The following ARFIP1 variants were observed in gnomAD, a reference collection of about 807,000 sequenced individuals.
ARFIP1 encodes ARF interacting protein 1, also known as arfaptin-1.
A neutral mutation model predicts 42.5 loss-of-function variants in ARFIP1; 24 were observed. That is an observed-to-expected ratio of 0.57 (90% CI 0.41 to 0.80). The LOEUF (loss-of-function observed/expected upper bound fraction) is 0.80. Ranked by LOEUF, ARFIP1 falls within the 30% of genes least tolerant of loss-of-function variation. ARFIP1 has a pLI of 0.00. For synonymous variants in ARFIP1, 141 were observed against 153.7 expected (o/e 0.92, Z 0.61); for missense variants, 354 against 434.0 (o/e 0.82, Z 1.64).
rs558455013 is a variant in ARFIP1 at position 152,785,892 on chromosome 4, G to A, written c.-10+5666G>A. Among the ~76,000 whole-genome samples the A allele has an allele frequency of 2.6e-5, 4 of 152,300 alleles. No individual in the cohort carries two copies. In the East Asian group the frequency reaches 7.7e-4, roughly 29 times the overall value. On this transcript the variant is annotated intron_variant, in intron 1 of 8. Transcript: ENST00000353617. ...TTCAGTGTCAGTATCATATGTGGCT[G>A]GTGGCTACTTTATTGGACAGTGCAA...
intron 3 of ARFIP1, among the ~76,000 whole-genome samples, chr4:152,866,757 G>A (rs1429948735): frequency 2.0e-5 from 3 of 150,480 alleles, no homozygotes; most frequent in Non-Finnish European, 4.5e-5. Context: ...GCTGCCGGGC[G>A]GAGGGTCTCC....
intron 5 of ARFIP1, among the ~76,000 whole-genome samples, chr4:152,879,925 G>C (rs1578995939): frequency 6.6e-6 from 1 of 152,286 alleles, no homozygotes; most frequent in East Asian, 1.9e-4. Context: ...AACATTTAAT[G>C]ATGAGGTATA....
chr4:152,781,958 A>T (rs1181054517), intron 1 of ARFIP1, among the ~76,000 whole-genome samples: 3 of 152,156 alleles, frequency 2.0e-5, no homozygotes, highest in Non-Finnish European at 4.4e-5. Context: ...CATTGTTTTT[A>T]TCAAATTCTC....
chr4:152,834,888 A>G (rs1465005514), intron 2 of ARFIP1, among the ~76,000 whole-genome samples: 3 of 152,186 alleles, frequency 2.0e-5, no homozygotes, highest in Non-Finnish European at 2.9e-5. Context: ...TTAACACCAC[A>G]TGGAAGCTGC....
chr4:152,827,235 T>TG (rs945263293), intron 1 of ARFIP1, among the ~76,000 whole-genome samples: 5 of 152,230 alleles, frequency 3.3e-5, no homozygotes, highest in African/African-American at 1.2e-4. Context: ...TTAGAAGCAG[T>TG]GGCAGATTTA....
chr4:152,780,642 A>T (rs1730432502), intron 1 of ARFIP1, among the ~76,000 whole-genome samples: 1 of 151,958 alleles, frequency 6.6e-6, no homozygotes, highest in African/African-American at 2.4e-5. Flanking sequence ...CAGTGGGAGG[A>T]AGGGAGATAG....
chr4:152,808,182 G>C (rs527606520), intron 1 of ARFIP1, among the ~76,000 whole-genome samples: 2 of 146,542 alleles, frequency 1.4e-5, no homozygotes, highest in Admixed American at 1.4e-4. Context: ...GTTTCTCCAT[G>C]TTGGTCAGGC....
intron 1 of ARFIP1, among the ~76,000 whole-genome samples, chr4:152,816,954 G>A (rs958464154): frequency 6.6e-6 from 1 of 152,044 alleles, no homozygotes; most frequent in African/African-American, 2.4e-5. Flanking sequence ...TCATCTTATT[G>A]CTCACAACAT....
chr4:152,893,253 A>T (rs1737013669), intron 8 of ARFIP1, among the ~76,000 whole-genome samples: 1 of 152,216 alleles, frequency 6.6e-6, no homozygotes, highest in African/African-American at 2.4e-5. Context: ...CTCGGAGAGG[A>T]TAAAAGGCAG....
At chr4:152,839,511 G>A (rs1001783149) in intron 2 of ARFIP1, among the ~76,000 whole-genome samples, 1 of 152,098 alleles carries the variant, frequency 6.6e-6, no homozygotes. Context: ...AGCTAGGAAG[G>A]TTGTATTTTT....
chr4:152,790,251 T>C (rs1731069452), intron 1 of ARFIP1, among the ~76,000 whole-genome samples: 1 of 152,226 alleles, frequency 6.6e-6, no homozygotes, highest in Non-Finnish European at 1.5e-5. Context: ...AACTCTCCAA[T>C]TATCCATTGC....
At chr4:152,820,675 G>T (rs1308586618) in intron 1 of ARFIP1, among the ~76,000 whole-genome samples, 1 of 152,108 alleles carries the variant, frequency 6.6e-6, no homozygotes, top group Non-Finnish European at 1.5e-5. Context: ...ACTCACTATC[G>T]CAAGAACAGC....
chr4:152,901,600 G>A (rs1737841096), intron 8 of ARFIP1, among the ~76,000 whole-genome samples: 1 of 152,048 alleles, frequency 6.6e-6, no homozygotes, highest in Non-Finnish European at 1.5e-5. Context: ...CTGATATTAG[G>A]TTTTCAAAAT....
intron 2 of ARFIP1, among the ~76,000 whole-genome samples, chr4:152,858,962 G>C (rs1733656152): frequency 6.6e-6 from 1 of 152,176 alleles, no homozygotes; most frequent in South Asian, 2.1e-4. Context: ...AAGACTTTTA[G>C]TAGGAAATCT....
intron 4 of ARFIP1, among the ~76,000 whole-genome samples, chr4:152,871,719 A>G (rs1578978397): frequency 6.6e-6 from 1 of 152,130 alleles, no homozygotes; most frequent in Non-Finnish European, 1.5e-5. Context: ...TATGAAAAGT[A>G]TTTTACTATT....
intron 2 of ARFIP1, among the ~76,000 whole-genome samples, chr4:152,849,679 G>A (rs1167025466): frequency 1.3e-5 from 2 of 152,092 alleles, no homozygotes; most frequent in Non-Finnish European, 2.9e-5. Flanking sequence ...AGGCAGGTGT[G>A]TGTGTGTATG....
chr4:152,851,198 T>C (rs1732947818), intron 2 of ARFIP1, among the ~76,000 whole-genome samples: 2 of 152,316 alleles, frequency 1.3e-5, no homozygotes, highest in Non-Finnish European at 2.9e-5. Flanking sequence ...TTCCTGATCT[T>C]AGCATATGGT....
intron 3 of ARFIP1, among the ~76,000 whole-genome samples, chr4:152,869,941 A>G (rs1734737447): frequency 6.6e-6 from 1 of 152,236 alleles, no homozygotes; most frequent in African/African-American, 2.4e-5. Context: ...TGGCTTTTGC[A>G]AAAGAATAGA....
At chr4:152,856,948 A>G (rs1261441028) in intron 2 of ARFIP1, among the ~76,000 whole-genome samples, 1 of 152,264 alleles carries the variant, frequency 6.6e-6, no homozygotes, top group African/African-American at 2.4e-5. Context: ...TAATATAAAT[A>G]TGAATGAAAG....
Sources: gnomAD v4.1 joint callset for allele counts (sites outside exome capture counted in the v4.1 genomes callset) on GRCh38, gnomAD v4.1.1 for gene constraint, MANE v1.5 for transcripts, NCBI Gene and HGNC (gene_info 2026-07-23, HGNC 2026-07-21) for gene names.